Variants in FHIT observed in about 807,000 individuals in gnomAD.
FHIT encodes bis(5'-adenosyl)-triphosphatase.
In FHIT, 19 loss-of-function variants were observed where a neutral mutation model predicts 17.9. That is an observed-to-expected ratio of 1.06 (90% CI 0.74 to 1.56). The LOEUF (loss-of-function observed/expected upper bound fraction) is 1.56. FHIT is among the 40% of genes most tolerant of loss of function. The pLI, the probability that FHIT is intolerant of heterozygous loss-of-function variation, is 0.00. For synonymous variants in FHIT, 81 were observed against 69.7 expected (o/e 1.16, Z -0.81); for missense variants, 248 against 189.2 (o/e 1.31, Z -1.82).
At chr3:59,893,992 C>T (rs951589444) in intron 8 of FHIT, among the ~76,000 whole-genome samples, 5 of 152,174 alleles carry the variant, frequency 3.3e-5, no homozygotes, top group Admixed American at 1.3e-4. Flanking sequence ...CAGCAGGGAG[C>T]AGTGGCTCAT....
At chr3:60,860,629 G>T (rs1241948751) in intron 3 of FHIT, among the ~76,000 whole-genome samples, 6 of 94,354 alleles carry the variant, frequency 6.4e-5, no homozygotes, top group South Asian at 6.3e-4. Flanking sequence ...ATATATATCA[G>T]GTATATATGA....
At chr3:60,036,337 A>C (rs1485342927) in intron 5 of FHIT, among the ~76,000 whole-genome samples, 2 of 152,194 alleles carry the variant, frequency 1.3e-5, no homozygotes, top group Admixed American at 1.3e-4. Flanking sequence ...GTTAATATAC[A>C]GAGCATGTTA....
chr3:60,922,526 A>G (rs1300681984), intron 3 of FHIT, among the ~76,000 whole-genome samples: 2 of 152,206 alleles, frequency 1.3e-5, no homozygotes, highest in Non-Finnish European at 2.9e-5. Flanking sequence ...CAGGAGAAAG[A>G]AATTGCCTTT....
At chr3:61,061,050 A>T (rs1575938951) in intron 2 of FHIT, among the ~76,000 whole-genome samples, 1 of 152,294 alleles carries the variant, frequency 6.6e-6, no homozygotes, top group East Asian at 1.9e-4. Flanking sequence ...TATTCTGCAG[A>T]ATGTTCCAGC....
intron 3 of FHIT, among the ~76,000 whole-genome samples, chr3:60,926,722 G>A (rs1485657029): frequency 6.6e-6 from 1 of 152,148 alleles, no homozygotes; most frequent in Non-Finnish European, 1.5e-5. Context: ...AACTGAAGGA[G>A]ATAGAGACAC....
At chr3:61,189,616 G>A (rs550216534) in intron 2 of FHIT, among the ~76,000 whole-genome samples, 8 of 152,220 alleles carry the variant, frequency 5.3e-5, no homozygotes, top group Non-Finnish European at 1.0e-4. Context: ...AAACGACCCC[G>A]CATCACCAAG....
At chr3:60,498,829 T>A (rs1046166034) in intron 5 of FHIT, among the ~76,000 whole-genome samples, 4 of 150,458 alleles carry the variant, frequency 2.7e-5, no homozygotes, top group Non-Finnish European at 5.9e-5. Flanking sequence ...AAATTTAAGC[T>A]CAACTTAAAA....
intron 5 of FHIT, among the ~76,000 whole-genome samples, chr3:60,231,715 G>GTAT (rs1368292549): frequency 6.6e-6 from 1 of 152,146 alleles, no homozygotes; most frequent in African/African-American, 2.4e-5. Context: ...TATCAGTAAA[G>GTAT]TATTATTATT....
intron 7 of FHIT, among the ~76,000 whole-genome samples, chr3:59,969,738 A>C (rs1708092548): frequency 6.6e-6 from 1 of 152,058 alleles, no homozygotes; most frequent in Non-Finnish European, 1.5e-5. Flanking sequence ...AGGTGACTTT[A>C]GTACAGCTTC....
chr3:59,997,611 G>C (rs1409239972), intron 7 of FHIT, among the ~76,000 whole-genome samples: 1 of 152,164 alleles, frequency 6.6e-6, no homozygotes, highest in Non-Finnish European at 1.5e-5. Context: ...TTGTCAGTAT[G>C]TGAACCTTAA....
intron 5 of FHIT, among the ~76,000 whole-genome samples, chr3:60,149,045 G>A (rs574825349): frequency 6.6e-6 from 1 of 152,248 alleles, no homozygotes; most frequent in African/African-American, 2.4e-5. Flanking sequence ...TTGTTGACAT[G>A]CCAGGGAAAA....
At chr3:60,677,259 T>C (rs2040642820) in intron 4 of FHIT, among the ~76,000 whole-genome samples, 1 of 152,204 alleles carries the variant, frequency 6.6e-6, no homozygotes, top group Non-Finnish European at 1.5e-5. Context: ...GTCTGGGCTT[T>C]TAATGTAATC....
chr3:60,463,160 T>A (rs2032579327), intron 5 of FHIT, among the ~76,000 whole-genome samples: 1 of 152,188 alleles, frequency 6.6e-6, no homozygotes, highest in African/African-American at 2.4e-5. Context: ...AACAGATATA[T>A]CACATCATTG....
chr3:59,836,586 T>C (rs2605435), intron 8 of FHIT, among the ~76,000 whole-genome samples: 2 of 152,292 alleles, frequency 1.3e-5, no homozygotes, highest in African/African-American at 4.8e-5. Flanking sequence ...AAATGGAACT[T>C]CAGAACCTTG....
chr3:60,304,576 C>T (rs1296405973), intron 5 of FHIT, among the ~76,000 whole-genome samples: 1 of 152,056 alleles, frequency 6.6e-6, no homozygotes, highest in African/African-American at 2.4e-5. Context: ...TATCTTTTAT[C>T]ATCATAAAAT....
At chr3:60,417,754 C>G (rs189693342) in intron 5 of FHIT, among the ~76,000 whole-genome samples, 53 of 152,262 alleles carry the variant, frequency 3.5e-4, no homozygotes, top group African/African-American at 1.3e-3. Flanking sequence ...ACAGCAAATA[C>G]CCTGTCTCAG....
intron 4 of FHIT, among the ~76,000 whole-genome samples, chr3:60,586,822 A>G (rs1284135096): frequency 2.6e-5 from 4 of 151,980 alleles, no homozygotes; most frequent in African/African-American, 4.8e-5. Context: ...GAGGCGAACA[A>G]TAGACAATGG....
intron 3 of FHIT, among the ~76,000 whole-genome samples, chr3:61,007,418 T>G (rs2031525177): frequency 1.3e-5 from 2 of 152,206 alleles, no homozygotes; most frequent in African/African-American, 4.8e-5. Context: ...AGCAATAAAT[T>G]CATTAGGTTC....
chr3:60,497,453 A>C (rs1036665855), intron 5 of FHIT, among the ~76,000 whole-genome samples: 1 of 152,222 alleles, frequency 6.6e-6, no homozygotes, highest in African/African-American at 2.4e-5. Context: ...TCTGCAAACA[A>C]ACACAGTTAA....
Sources: gnomAD v4.1 joint callset for allele counts (sites outside exome capture counted in the v4.1 genomes callset) on GRCh38, gnomAD v4.1.1 for gene constraint, MANE v1.5 for transcripts, NCBI Gene and HGNC (gene_info 2026-07-23, HGNC 2026-07-21) for gene names.